The following SLC47A2 variants were observed in gnomAD, a reference collection of about 807,000 sequenced individuals.
The protein encoded by SLC47A2 is multidrug and toxin extrusion protein 2.
Under a neutral mutation model 67.7 loss-of-function variants are expected in SLC47A2, and 52 were observed. The ratio of observed to expected loss-of-function variants is 0.77; its 90% CI spans 0.61 to 0.97. The LOEUF (loss-of-function observed/expected upper bound fraction) is 0.97. Among genes scored for constraint, SLC47A2 ranks in the 50% least tolerant of loss-of-function variants. The pLI, the probability that SLC47A2 is intolerant of heterozygous loss-of-function variation, is 0.00. For missense variants in SLC47A2, 676 were observed against 712.3 expected, an observed-to-expected ratio of 0.95 and a Z score of 0.58; for synonymous variants, 278 against 292.9, an observed-to-expected ratio of 0.95 and a Z score of 0.52.
chr17:19,702,339 T>C, intron 13 of SLC47A2: 7 of 985,400 alleles, frequency 7.1e-6, no homozygotes, highest in Non-Finnish European at 7.2e-6. Context: ...AGAAAAAGAT[T>C]TGTGGCTTTA....
At position 19,684,535 on chromosome 17, in the gene SLC47A2, T is replaced by C. The variant is rs200991440; in HGVS notation, c.1165-2865A>G. ...GAAGCTAGTAAAGAAGAACAAACTA[T>C]ACCTAAATGAAGTAAAAGGATAAGA... On this transcript the variant is annotated intron_variant, in intron 13 of 16. Transcript: ENST00000433844. Among the ~76,000 whole-genome samples the C allele has an allele frequency of 1.6e-4, 25 of 152,044 alleles. 1 individual carries two copies. The East Asian group carries it at 4.5e-3, about 27-fold the overall frequency.
chr17:19,704,227 C>T (rs770388279), intron 10 of SLC47A2, 49 bp from the exon 11 acceptor site: 5 of 1,494,878 alleles, frequency 3.3e-6, no homozygotes, highest in South Asian at 2.5e-5. Flanking sequence ...CCCTCCAACC[C>T]CTGAAGTCCT....
At chr17:19,704,822 CTTTTTTTTT>C in intron 10 of SLC47A2, 3 of 273,276 alleles carry the variant, frequency 1.1e-5, no homozygotes, top group South Asian at 8.9e-5. Flanking sequence ...ATGGAATGTG[CTTTTTTTTT>C]TTTTTTTTTT....
chr17:19,702,758 C>T (rs1458369610), intron 12 of SLC47A2, 84 bp from the exon 13 acceptor site: 1 of 1,453,828 alleles, frequency 6.9e-7, no homozygotes, highest in East Asian at 2.3e-5. Flanking sequence ...ACCCCACCCC[C>T]ACAAGAAAAA....
intron 7 of SLC47A2, 136 bp downstream of exon 7, chr17:19,708,166 C>T: frequency 2.1e-6 from 2 of 962,886 alleles, no homozygotes; most frequent in Non-Finnish European, 1.5e-6. Flanking sequence ...ACCATCAGGC[C>T]CCTCCAACTC....
intron 16 of SLC47A2, among the ~76,000 whole-genome samples, chr17:19,679,339 G>C (rs1265391396): frequency 1.3e-5 from 2 of 152,244 alleles, no homozygotes; most frequent in African/African-American, 4.8e-5. Context: ...GACATCATCT[G>C]TGTGAGCTTT....
In SLC47A2 at chr17:19,709,368, A is replaced by G. The variant is rs1485367892; in HGVS notation, c.487-608T>C. ...CTTTCTCTCCTCTCTTAAGGGGAAT[A>G]GAATAGGCATCAACTGAAACCTAGC... On this transcript the variant is annotated intron_variant, in intron 5 of 16. Coordinates refer to ENST00000433844, the MANE Select transcript of SLC47A2 (RefSeq NM_001099646.3). Among the ~76,000 whole-genome samples, 4 of 152,216 alleles carry G rather than the reference A, an allele frequency of 2.6e-5. No individual in the cohort carries two copies. In the East Asian group the frequency reaches 7.7e-4, roughly 29 times the overall value.
In SLC47A2 at chr17:19,712,764, C is replaced by T; in HGVS notation, c.444-19G>A. On this transcript the variant is annotated intron_variant, in intron 4 of 16. Coordinates refer to ENST00000433844, the MANE Select transcript of SLC47A2 (RefSeq NM_001099646.3). ...GGTCAACCTGCAAGAGAGGGAGAAG[C>T]TCCGGAGCTGACCAGGCTGTGGCCC... is the stretch of plus-strand genomic sequence containing the variant. 6.2e-7 allele frequency: 1 copy of T among 1,611,344 alleles called. No homozygotes were observed. Among genetic ancestry groups the T allele is most frequent in the Non-Finnish European group, 8.5e-7 (1 of 1,179,070 alleles).
chr17:19,705,882 A>G (rs1473991422), intron 9 of SLC47A2, among the ~76,000 whole-genome samples: 1 of 152,226 alleles, frequency 6.6e-6, no homozygotes, highest in Non-Finnish European at 1.5e-5. Flanking sequence ...TACAGGCATG[A>G]GCCACTGAGC....
At chr17:19,702,150 G>T (rs2085801769) in intron 13 of SLC47A2, 1 of 984,402 alleles carries the variant, frequency 1.0e-6, no homozygotes, top group African/African-American at 1.8e-5. Flanking sequence ...TGTGTTAAAT[G>T]ACACCTGTCC....
chr17:19,690,847 G>A (rs142364460), intron 13 of SLC47A2, among the ~76,000 whole-genome samples: 115 of 152,060 alleles, frequency 7.6e-4, no homozygotes, highest in African/African-American at 2.7e-3. Flanking sequence ...GGCCGGGCAC[G>A]GTGGCTCACG....
chr17:19,680,068 A>G, intron 15 of SLC47A2, 29 bp from the exon 16 acceptor site: 1 of 1,607,492 alleles, frequency 6.2e-7, no homozygotes, highest in South Asian at 1.1e-5. Flanking sequence ...AATTGGGTCA[A>G]CCTGCCAGCT....
rs1292753286 is a variant in SLC47A2, at chr17:19,690,138, T to C, written c.1165-8468A>G. 2.6e-5 allele frequency among the ~76,000 whole-genome samples: 4 copies of C among 152,318 alleles called. 1 individual carries two copies. Among genetic ancestry groups the C allele is most frequent in the East Asian group, 3.9e-4 (2 of 5,186 alleles). On this transcript the variant is annotated intron_variant, in intron 13 of 16. Coordinates refer to ENST00000433844, the MANE Select transcript of SLC47A2 (RefSeq NM_001099646.3). ...TCCATGCATCTACAGTGAACTCATT[T>C]TTGACAAAGGTGCCAAGAACATACA...
intron 13 of SLC47A2, among the ~76,000 whole-genome samples, chr17:19,687,587 C>G (rs1027531502): frequency 1.3e-5 from 2 of 150,428 alleles, no homozygotes; most frequent in Non-Finnish European, 3.0e-5. Flanking sequence ...AAAAAATAAA[C>G]AAAATAGACA....
At position 19,678,498 on chromosome 17, in the gene SLC47A2, C is replaced by T; in HGVS notation, c.*188G>A. ...GAAGAAAACTCCAGCTTGACCAGAA[C>T]AGAATTGTCAAGTCTGTTCAGACCC... On this transcript the variant is annotated 3_prime_UTR_variant, in exon 17 of 17. Coordinates refer to ENST00000433844, the MANE Select transcript of SLC47A2 (RefSeq NM_001099646.3). 1 of 618,752 alleles carries T rather than the reference C, an allele frequency of 1.6e-6. No individual in the cohort carries two copies. Among genetic ancestry groups the T allele is most frequent in the South Asian group, 2.0e-5 (1 of 49,480 alleles). 38.3% of individuals were successfully genotyped at this position (618,752 alleles called of 1,614,324 possible).
chr17:19,715,711 T>TTTG (rs1473946822), intron 1 of SLC47A2: 4 of 137,042 alleles, frequency 2.9e-5, no homozygotes, highest in African/African-American at 8.2e-5. Context: ...TTTTTGTTTT[T>TTTG]TTTTTTTTTT....
At chr17:19,684,613 C>T (rs192226681) in intron 13 of SLC47A2, among the ~76,000 whole-genome samples, 21 of 150,912 alleles carry the variant, frequency 1.4e-4, no homozygotes, top group African/African-American at 5.1e-4. Context: ...GTAATCCCAG[C>T]ACTTTGGGAG....
Position 19,709,402 on chromosome 17 carries a change from C to T in SLC47A2, c.487-642G>A, listed in dbSNP as rs866803430. Among the ~76,000 whole-genome samples the T allele has an allele frequency of 2.6e-5, 4 of 152,304 alleles. 1 individual carries two copies. In the South Asian group the frequency reaches 8.3e-4, roughly 32 times the overall value. The stretch of plus-strand genomic sequence containing the variant: ...ATCAACTGAAACCTAGCCCAGGGCC[C>T]TTGTCCCATTCCTTCCTGTAGCTCT... On this transcript the variant is annotated intron_variant, in intron 5 of 16. Transcript: ENST00000433844.
chr17:19,717,996 A>G (rs2086300364), upstream of SLC47A2: 1 of 152,326 alleles, frequency 6.6e-6, no homozygotes, highest in Non-Finnish European at 1.5e-5. Flanking sequence ...AGGAGGAAGT[A>G]CAGGTGAAAG....
Sources: allele counts gnomAD v4.1 joint callset (sites outside exome capture counted in the v4.1 genomes callset), GRCh38; gene constraint gnomAD v4.1.1; transcripts MANE v1.5; gene names NCBI Gene and HGNC (gene_info 2026-07-23, HGNC 2026-07-21).